The following AGBL4 variants were observed in gnomAD, a reference collection of about 807,000 sequenced individuals.
AGBL4 encodes the protein cytosolic carboxypeptidase 6.
In AGBL4, 58 loss-of-function variants were observed where a neutral mutation model predicts 66.4. That is an observed-to-expected ratio of 0.87 (90% CI 0.71 to 1.09). AGBL4 has a LOEUF of 1.09. Ranked by LOEUF, AGBL4 falls within the 50% of genes least tolerant of loss-of-function variation. The pLI is 0.00. For missense variants in AGBL4, 579 were observed against 631.0 expected (o/e 0.92, Z 0.88); for synonymous variants, 234 against 222.9 (o/e 1.05, Z -0.44).
chr1:49,988,264 A>T (rs1294503234), intron 1 of AGBL4, among the ~76,000 whole-genome samples: 3 of 152,154 alleles, frequency 2.0e-5, no homozygotes, highest in Non-Finnish European at 4.4e-5. Context: ...TGCAATTCTA[A>T]TCAAGTTTTT....
At chr1:49,227,645 A>C (rs1343295797) in intron 4 of AGBL4, among the ~76,000 whole-genome samples, 1 of 152,206 alleles carries the variant, frequency 6.6e-6, no homozygotes, top group Admixed American at 6.5e-5. Context: ...TATTTAGCAT[A>C]TTCTAAAATT....
intron 6 of AGBL4, among the ~76,000 whole-genome samples, chr1:48,781,305 T>C (rs6689121): frequency 0.2 from 29,890 of 152,178 alleles, 3,518 homozygotes; most frequent in East Asian, 0.41. Context: ...AGAGATACCC[T>C]TGGACGGCAC....
intron 1 of AGBL4, among the ~76,000 whole-genome samples, chr1:49,937,614 A>G (rs574043471): frequency 6.6e-6 from 1 of 152,350 alleles, no homozygotes; most frequent in Non-Finnish European, 1.5e-5. Context: ...AGCAAATGTA[A>G]AAGAACAGAA....
At position 49,386,280 on chromosome 1, in the gene AGBL4, T is replaced by C. The variant is rs145229610; in HGVS notation, c.283-140416A>G. On this transcript the variant is annotated intron_variant, in intron 3 of 13. Coordinates refer to ENST00000371839, the MANE Select transcript of AGBL4 (RefSeq NM_032785.4). The stretch of plus-strand genomic sequence containing the variant: ...GGATGGATGGATGTGTGTGTGTGTG[T>C]GTGTGTGTGTGTGTATCTCCAACAA... Among the ~76,000 whole-genome samples, 520 of 151,962 alleles carry C rather than the reference T, an allele frequency of 3.4e-3. 1 individual carries two copies. The highest frequency in any genetic ancestry group is 0.012 in the African/African-American group (490 of 41,488).
intron 3 of AGBL4, among the ~76,000 whole-genome samples, chr1:49,401,964 T>C (rs1645095939): frequency 6.6e-6 from 1 of 152,184 alleles, no homozygotes; most frequent in Non-Finnish European, 1.5e-5. Context: ...TTTATTAGCA[T>C]ATAGTTGCAC....
chr1:49,283,948 G>A (rs1333703891), intron 3 of AGBL4, among the ~76,000 whole-genome samples: 14 of 149,266 alleles, frequency 9.4e-5, no homozygotes, highest in African/African-American at 3.5e-4. Context: ...ACACTCTGCA[G>A]GATATTATCC....
At chr1:48,550,820 T>G (rs1449767568) in intron 11 of AGBL4, among the ~76,000 whole-genome samples, 7 of 152,202 alleles carry the variant, frequency 4.6e-5, no homozygotes. Flanking sequence ...CAAGTGGATT[T>G]ACCAGGATTC....
At chr1:48,886,526 C>T in intron 5 of AGBL4, among the ~76,000 whole-genome samples, 1 of 152,108 alleles carries the variant, frequency 6.6e-6, no homozygotes, top group African/African-American at 2.4e-5. Flanking sequence ...TTGGGCAGCT[C>T]AGCCGGCCAC....
At position 48,890,735 on chromosome 1, in the gene AGBL4, G is replaced by A. The variant is rs111892799; in HGVS notation, c.595-23505C>T. Reference sequence around the variant, plus strand: ...ATGAAGGTTGGTAAGTCTGTTACCCGTACTCTATTCTGTGGCAGCATCCCA... The same window carrying A: ...ATGAAGGTTGGTAAGTCTGTTACCCATACTCTATTCTGTGGCAGCATCCCA... On this transcript the variant is annotated intron_variant, in intron 5 of 13. Transcript: ENST00000371839. 2.3e-3 allele frequency among the ~76,000 whole-genome samples: 344 copies of A among 152,286 alleles called. 3 individuals carry two copies. Among genetic ancestry groups the A allele is most frequent in the African/African-American group, 7.8e-3 (325 of 41,566 alleles).
intron 3 of AGBL4, among the ~76,000 whole-genome samples, chr1:49,672,936 A>G (rs1283955396): frequency 4.7e-5 from 7 of 150,498 alleles, no homozygotes; most frequent in East Asian, 3.9e-4. Flanking sequence ...AAAAAAAAAA[A>G]AAAAAGAAAA....
intron 3 of AGBL4, among the ~76,000 whole-genome samples, chr1:49,610,267 T>G (rs1246466143): frequency 6.6e-6 from 1 of 152,154 alleles, no homozygotes; most frequent in East Asian, 1.9e-4. Context: ...GGGAGTGTTA[T>G]TTTCCCTATT....
Position 49,575,026 on chromosome 1 carries a change from A to T in AGBL4, c.282+122287T>A, listed in dbSNP as rs373498314. ...GGAAGTCGGGTCCCCTTGAGGAAGG[A>T]CCTCACTACATTACTGACAATTTAT... On this transcript the variant is annotated intron_variant, in intron 3 of 13. Transcript: ENST00000371839. Among the ~76,000 whole-genome samples the T allele has an allele frequency of 3.4e-4, 52 of 152,234 alleles. 1 individual carries two copies. The South Asian group carries it at 9.5e-3, about 28-fold the overall frequency.
intron 3 of AGBL4, among the ~76,000 whole-genome samples, chr1:49,387,039 G>T (rs1644749831): frequency 6.6e-6 from 1 of 151,866 alleles, no homozygotes; most frequent in Non-Finnish European, 1.5e-5. Context: ...TTTTAATTAA[G>T]AAATGAATTA....
intron 6 of AGBL4, among the ~76,000 whole-genome samples, chr1:48,698,945 C>T (rs1257883294): frequency 1.3e-5 from 2 of 152,200 alleles, no homozygotes; most frequent in East Asian, 3.8e-4. Flanking sequence ...GCTGGAATCA[C>T]CTCCCCACAT....
rs570060326 is a variant in AGBL4 at position 49,838,935 on chromosome 1, A to G, written c.157+12461T>C. Among the ~76,000 whole-genome samples, 4 of 152,318 alleles carry G rather than the reference A, an allele frequency of 2.6e-5. No homozygotes were observed. In the South Asian group the frequency reaches 8.3e-4, roughly 32 times the overall value. ...AAGCATAAGAGGGTGGTTTATGTGC[A>G]TCGTAAGTCCCCTTCAAAGCTGTTT... On this transcript the variant is annotated intron_variant, in intron 2 of 13. Transcript: ENST00000371839.
intron 1 of AGBL4, among the ~76,000 whole-genome samples, chr1:49,945,482 G>A (rs12083706): frequency 0.53 from 79,778 of 151,754 alleles, 22,280 homozygotes; most frequent in Non-Finnish European, 0.62. Flanking sequence ...CATAAATGAA[G>A]GAAACACATG....
At chr1:49,365,319 A>G (rs967203719) in intron 3 of AGBL4, among the ~76,000 whole-genome samples, 2 of 152,110 alleles carry the variant, frequency 1.3e-5, no homozygotes, top group African/African-American at 4.8e-5. Flanking sequence ...TCGAACTTCT[A>G]GGCCTCATCT....
In AGBL4 at chr1:49,540,243, C is replaced by G. The variant is rs1056222318; in HGVS notation, c.282+157070G>C. Among the ~76,000 whole-genome samples, 4 of 152,148 alleles carry G rather than the reference C, an allele frequency of 2.6e-5. 1 individual carries two copies. Among genetic ancestry groups the G allele is most frequent in the African/African-American group, 9.7e-5 (4 of 41,432 alleles). ...AAACTTTACCTATGTTACAATTAGC[C>G]AATCTTTAAATATATCTTATCTTTT... On this transcript the variant is annotated intron_variant, in intron 3 of 13. Transcript: ENST00000371839.
chr1:48,707,488 C>T (rs562119333), intron 6 of AGBL4, among the ~76,000 whole-genome samples: 1 of 152,296 alleles, frequency 6.6e-6, no homozygotes, highest in African/African-American at 2.4e-5. Flanking sequence ...TTGGGCTAAT[C>T]AACACATGCC....
Sources: allele counts gnomAD v4.1 joint callset (sites outside exome capture counted in the v4.1 genomes callset), GRCh38; gene constraint gnomAD v4.1.1; transcripts MANE v1.5; gene names NCBI Gene and HGNC (gene_info 2026-07-23, HGNC 2026-07-21).